The following CELF2 variants were observed in gnomAD, a reference collection of about 807,000 sequenced individuals.
The protein encoded by CELF2 is CUG triplet repeat RNA-binding protein 2.
Under a neutral mutation model 62.6 loss-of-function variants are expected in CELF2, and 8 were observed. That is an observed-to-expected ratio of 0.13 (90% CI 0.07 to 0.23). The LOEUF (loss-of-function observed/expected upper bound fraction) is 0.23, where lower values mean the gene tolerates loss of function less well. Ranked by LOEUF, CELF2 falls within the 10% of genes least tolerant of loss-of-function variation. CELF2 has a pLI of 1.00. For missense variants in CELF2, 333 were observed against 671.0 expected, an observed-to-expected ratio of 0.50 and a Z score of 5.56; for synonymous variants, 258 against 250.0, an observed-to-expected ratio of 1.03 and a Z score of -0.30.
At chr10:11,043,709 C>G (rs1266202750) in intron 1 of CELF2, among the ~76,000 whole-genome samples, 5 of 152,180 alleles carry the variant, frequency 3.3e-5, no homozygotes, top group Admixed American at 1.3e-4. Flanking sequence ...GTTCCGCGTT[C>G]CACCTGCAGT....
At chr10:11,043,897 A>C (rs1454153176) in intron 1 of CELF2, among the ~76,000 whole-genome samples, 1 of 152,176 alleles carries the variant, frequency 6.6e-6, no homozygotes, top group African/African-American at 2.4e-5. Flanking sequence ...CCACAGCCAC[A>C]GACCGCCTGC....
chr10:10,700,198 A>G, the CELF2 span, among the ~76,000 whole-genome samples: 1 of 152,288 alleles, frequency 6.6e-6, no homozygotes, highest in South Asian at 2.1e-4. Context: ...AAGAGGTTTT[A>G]TTCAGGAAGA....
intron 1 of CELF2, among the ~76,000 whole-genome samples, chr10:10,909,086 G>C (rs555669690): frequency 2.5e-4 from 38 of 152,208 alleles, no homozygotes; most frequent in Admixed American, 5.9e-4. Flanking sequence ...CACCATGCCT[G>C]GCCGCTGGTG....
At chr10:11,202,890 C>T (rs558086307) in intron 2 of CELF2, among the ~76,000 whole-genome samples, 12 of 149,156 alleles carry the variant, frequency 8.0e-5, no homozygotes, top group African/African-American at 2.7e-4. Context: ...TGCCTTCCCA[C>T]CCCCATCCTC....
chr10:10,464,579 T>C, the CELF2 span, among the ~76,000 whole-genome samples: 13 of 152,310 alleles, frequency 8.5e-5, no homozygotes, highest in East Asian at 2.5e-3. Context: ...AAATTTTTCC[T>C]TCTGGCTTAA....
chr10:10,517,091 C>A, the CELF2 span, among the ~76,000 whole-genome samples: 36 of 152,290 alleles, frequency 2.4e-4, no homozygotes, highest in African/African-American at 8.4e-4. Flanking sequence ...GAAAGAAGGA[C>A]CAGCAACATA....
the CELF2 span, among the ~76,000 whole-genome samples, chr10:10,529,119 G>T: frequency 3.9e-5 from 6 of 152,170 alleles, no homozygotes; most frequent in Non-Finnish European, 8.8e-5. Context: ...TAGCATTATA[G>T]CAAATGTAGT....
chr10:11,290,189 TCCTTC>T lies in CELF2; in HGVS notation c.976+1638_976+1642del, dbSNP rs1012462931. On this transcript the variant is annotated intron_variant, in intron 9 of 12. Coordinates refer to ENST00000633077, the MANE Select transcript of CELF2 (RefSeq NM_001326342.2). The surrounding 1 kb of genome is among the most constrained non-coding windows in gnomAD (Gnocchi z 4.3). ...CTGCCTACCTTCGGGAGTCCTTCAG[TCCTTC>T]AGGGACTTGGACAAGAAGCAAAGCA... 4.2e-4 allele frequency among the ~76,000 whole-genome samples: 64 copies of T among 152,182 alleles called. No individual in the cohort carries two copies. The highest frequency in any genetic ancestry group is 1.5e-3 in the African/African-American group (62 of 41,444).
At chr10:10,814,398 CTCT>C (rs2056250271) in intron 1 of CELF2, among the ~76,000 whole-genome samples, 1 of 152,050 alleles carries the variant, frequency 6.6e-6, no homozygotes, top group Non-Finnish European at 1.5e-5. Context: ...AAAATCTAAC[CTCT>C]TCTTTTGGAT....
chr10:10,486,514 G>A, the CELF2 span, among the ~76,000 whole-genome samples: 6 of 152,016 alleles, frequency 3.9e-5, no homozygotes, highest in African/African-American at 1.2e-4. Context: ...TGAGTATTCC[G>A]TATCTCAAAA....
At chr10:10,637,448 T>C in the CELF2 span, among the ~76,000 whole-genome samples, 1 of 152,198 alleles carries the variant, frequency 6.6e-6, no homozygotes, top group Non-Finnish European at 1.5e-5. Context: ...GCAGCCATTG[T>C]ATTTGAGGTT....
At chr10:10,877,075 C>A (rs548228588) in intron 1 of CELF2, among the ~76,000 whole-genome samples, 1 of 152,280 alleles carries the variant, frequency 6.6e-6, no homozygotes, top group Middle Eastern at 3.4e-3. Context: ...AGATGTGGCT[C>A]CATAAAGGTG....
At chr10:11,041,863 T>C (rs1340024147) in intron 1 of CELF2, among the ~76,000 whole-genome samples, 1 of 152,214 alleles carries the variant, frequency 6.6e-6, no homozygotes, top group Non-Finnish European at 1.5e-5. Flanking sequence ...TACGAAAGAA[T>C]TGTCAAGATT....
At chr10:10,685,613 G>T in the CELF2 span, among the ~76,000 whole-genome samples, 2 of 152,084 alleles carry the variant, frequency 1.3e-5, no homozygotes, top group Non-Finnish European at 2.9e-5. Context: ...GTTTTATATG[G>T]TGTCTCAAAA....
At chr10:10,475,700 T>A in the CELF2 span, among the ~76,000 whole-genome samples, 1 of 152,110 alleles carries the variant, frequency 6.6e-6, no homozygotes, top group Non-Finnish European at 1.5e-5. Context: ...AATTTGAGGC[T>A]AAGAAGTGCT....
the CELF2 span, among the ~76,000 whole-genome samples, chr10:10,633,763 G>A: frequency 3.0e-4 from 45 of 151,692 alleles, 1 homozygote; most frequent in Middle Eastern, 3.4e-3. Flanking sequence ...CCCTTCTACC[G>A]TTTATATTCC....
intron 1 of CELF2, chr10:11,030,350 G>A (rs2059899369): frequency 6.6e-6 from 1 of 152,196 alleles, no homozygotes; most frequent in Admixed American, 6.5e-5. Flanking sequence ...AAAAGGTGGT[G>A]GTACTGAAAA....
chr10:11,146,604 A>G (rs974029142), intron 1 of CELF2, among the ~76,000 whole-genome samples: 26 of 152,236 alleles, frequency 1.7e-4, no homozygotes, highest in Admixed American at 4.6e-4. Flanking sequence ...GGGGTCACTA[A>G]GCCACATTCC....
At chr10:10,827,241 C>G (rs1469220240) in intron 1 of CELF2, among the ~76,000 whole-genome samples, 1 of 152,110 alleles carries the variant, frequency 6.6e-6, no homozygotes, top group Non-Finnish European at 1.5e-5. Context: ...ACATGATAGC[C>G]TCCACCCCAG....
Sources: gnomAD v4.1 joint callset for allele counts (sites outside exome capture counted in the v4.1 genomes callset) on GRCh38, gnomAD v4.1.1 for gene constraint, Gnocchi (gnomAD v3.1) non-coding constraint, MANE v1.5 for transcripts, NCBI Gene and HGNC (gene_info 2026-07-23, HGNC 2026-07-21) for gene names.